Variants in CD6 observed in about 807,000 individuals in gnomAD.
CD6 encodes CD6 molecule, also known as T-cell differentiation antigen CD6.
In CD6, 53 loss-of-function variants were observed where a neutral mutation model predicts 75.3. That is an observed-to-expected ratio of 0.70 (90% CI 0.56 to 0.88). The LOEUF (loss-of-function observed/expected upper bound fraction) is 0.88. CD6 is among the 40% of genes least tolerant of loss of function. The pLI is 0.00. For synonymous variants in CD6, 359 were observed against 381.5 expected, an observed-to-expected ratio of 0.94 and a Z score of 0.69; for missense variants, 770 against 897.1, an observed-to-expected ratio of 0.86 and a Z score of 1.81.
intron 8 of CD6, chr11:61,015,321 C>T (rs762853703): frequency 1.1e-4 from 19 of 172,504 alleles, no homozygotes; most frequent in Non-Finnish European, 2.2e-4. Context: ...CTGTAGTCCC[C>T]GCATTTTGGG....
At chr11:61,004,656 T>C (rs747204610) in intron 1 of CD6, 1 of 152,302 alleles carries the variant, frequency 6.6e-6, no homozygotes, top group Non-Finnish European at 1.5e-5. Context: ...GAATGTGTAG[T>C]GGTCATGTCC....
At chr11:61,010,750 C>G (rs1859100419) in intron 5 of CD6, among the ~76,000 whole-genome samples, 1 of 152,196 alleles carries the variant, frequency 6.6e-6, no homozygotes, top group African/African-American at 2.4e-5. Context: ...CTTCATCTCC[C>G]TAGGCTGATT....
At chr11:60,989,116 C>T (rs2905509) in intron 1 of CD6, among the ~76,000 whole-genome samples, 90,310 of 152,084 alleles carry the variant, frequency 0.59, 29,785 homozygotes, top group East Asian at 0.89. Context: ...TTGTTGAGGG[C>T]GCCTGAAGAG....
chr11:60,996,590 G>A (rs947513403), intron 1 of CD6, among the ~76,000 whole-genome samples: 3 of 152,198 alleles, frequency 2.0e-5, no homozygotes, highest in African/African-American at 7.2e-5. Context: ...ATCACTGCTC[G>A]GGACAAAAGG....
At position 61,018,119 on chromosome 11, in the gene CD6, C is replaced by T. The variant is rs116031670; in HGVS notation, c.1837+106C>T. 1,954 of 1,416,750 alleles carry T rather than the reference C, an allele frequency of 1.4e-3. 25 individuals are homozygous for T. The African/African-American group carries it at 0.024, about 17-fold the overall frequency. The allele number at this position is 1,416,750 out of a possible 1,614,324, so 87.8% of individuals were successfully genotyped here. A position where few individuals can be genotyped will look rare whatever the true frequency, so the allele number is the denominator to read the frequency against. ...CTGAGGTCAGGATTCTACCCAGTTC[C>T]GCAGCCATTCGCTGTGTGCCCTTGG... On this transcript the variant is annotated intron_variant, in intron 11 of 12. Transcript: ENST00000313421.
chr11:61,018,503 G>A, intron 12 of CD6, 110 bp downstream of exon 12: 8 of 848,406 alleles, frequency 9.4e-6, no homozygotes, highest in Non-Finnish European at 1.5e-5. Flanking sequence ...AGAAAGGAAG[G>A]GTAAAAGAAG....
At chr11:60,974,689 T>C (rs1857303982) in intron 1 of CD6, among the ~76,000 whole-genome samples, 1 of 152,216 alleles carries the variant, frequency 6.6e-6, no homozygotes, top group South Asian at 2.1e-4. Flanking sequence ...CTCAGTTTCC[T>C]GATCAGCCAA....
chr11:60,987,235 G>A (rs946806788), intron 1 of CD6, among the ~76,000 whole-genome samples: 3 of 152,196 alleles, frequency 2.0e-5, no homozygotes, highest in Non-Finnish European at 4.4e-5. Context: ...CTGAGCTTCT[G>A]GTGGCTTGCT....
intron 1 of CD6, among the ~76,000 whole-genome samples, chr11:60,989,039 T>C (rs1857946611): frequency 6.6e-6 from 1 of 152,260 alleles, no homozygotes; most frequent in Non-Finnish European, 1.5e-5. Context: ...CACCAGCTTC[T>C]GTCCCACCTC....
chr11:61,015,911 G>C, intron 9 of CD6, 76 bp downstream of exon 9: 1 of 1,558,498 alleles, frequency 6.4e-7, no homozygotes, highest in Non-Finnish European at 8.7e-7. Context: ...CGTCAGGTCA[G>C]TAGTCCCACC....
rs149532547 is a variant in CD6, at chr11:61,007,018, A to C, written c.118+376A>C. On this transcript the variant is annotated intron_variant, in intron 2 of 12. Coordinates refer to ENST00000313421, the MANE Select transcript of CD6 (RefSeq NM_006725.5). The surrounding 1 kb of genome is among the most constrained non-coding windows in gnomAD (Gnocchi z 4.2). ...ACTGGGGGTACAATCCTGGGCTAAAAGGGGCAGGTGGTTCCCATAGAAGGG... is the reference window on the plus strand; with the variant it reads ...ACTGGGGGTACAATCCTGGGCTAAACGGGGCAGGTGGTTCCCATAGAAGGG... Among the ~76,000 whole-genome samples the C allele has an allele frequency of 4.6e-5, 7 of 152,214 alleles. No individual in the cohort carries two copies. The highest frequency in any genetic ancestry group is 1.4e-4 in the African/African-American group (6 of 41,542).
intron 1 of CD6, among the ~76,000 whole-genome samples, chr11:60,976,513 A>G (rs532648932): frequency 6.6e-6 from 1 of 152,252 alleles, no homozygotes; most frequent in Non-Finnish European, 1.5e-5. Context: ...ATATACTATG[A>G]GTGTTTGTTT....
intron 1 of CD6, among the ~76,000 whole-genome samples, chr11:60,972,266 C>T (rs917568410): frequency 6.6e-6 from 1 of 152,330 alleles, no homozygotes; most frequent in Admixed American, 6.5e-5. Context: ...AACCGTTCAC[C>T]TTCCAGAGAG....
At chr11:61,001,752 C>A (rs1858596252) in intron 1 of CD6, among the ~76,000 whole-genome samples, 1 of 152,092 alleles carries the variant, frequency 6.6e-6, no homozygotes, top group Non-Finnish European at 1.5e-5. Flanking sequence ...GACTGTGTCC[C>A]ACGACCAGCT....
In CD6 at chr11:60,995,717, A is replaced by G. The variant is rs563875177; in HGVS notation, c.50-10857A>G. On this transcript the variant is annotated intron_variant, in intron 1 of 12. Coordinates refer to ENST00000313421, the MANE Select transcript of CD6 (RefSeq NM_006725.5). The stretch of plus-strand genomic sequence containing the variant: ...GGGGGCAGTGCGAGGTGAGACTATT[A>G]AGTCTCATCTTTTCCCTGCTGTGAG... Among the ~76,000 whole-genome samples the G allele has an allele frequency of 2.6e-5, 4 of 152,150 alleles. No homozygotes were observed. The South Asian group carries it at 8.3e-4, about 32-fold the overall frequency.
chr11:60,971,865 C>T lies in CD6; in HGVS notation c.-1C>T. Reference sequence around the variant, plus strand: ...CGTAGCAGCCAGAGACAGCTCCAGACATGTGGCTCTTCTTCGGGATCACTG... The same window carrying T: ...CGTAGCAGCCAGAGACAGCTCCAGATATGTGGCTCTTCTTCGGGATCACTG... On this transcript the variant is annotated 5_prime_UTR_variant, in exon 1 of 13. Transcript: ENST00000313421. 1.9e-6 allele frequency: 3 copies of T among 1,613,890 alleles called. No homozygotes were observed. Among genetic ancestry groups the T allele is most frequent in the Non-Finnish European group, 2.5e-6 (3 of 1,179,924 alleles).
At chr11:60,981,785 G>C (rs1857568573) in intron 1 of CD6, among the ~76,000 whole-genome samples, 1 of 152,160 alleles carries the variant, frequency 6.6e-6, no homozygotes, top group Admixed American at 6.5e-5. Flanking sequence ...GAAAATGGCG[G>C]CTGAGAGAGG....
intron 1 of CD6, among the ~76,000 whole-genome samples, chr11:60,989,703 A>C (rs1007234317): frequency 2.0e-5 from 3 of 152,034 alleles, no homozygotes; most frequent in Non-Finnish European, 2.9e-5. Flanking sequence ...TTCACAGCAC[A>C]CCCTGAGGTG....
Position 61,019,232 on chromosome 11 carries a change from A to T in CD6, c.1943-22A>T, listed in dbSNP as rs781211813. Reference sequence around the variant, plus strand: ...AGGGCAATGACTGGGTCTCCCACTAATCTGGGCCTCTCTGCCCACAGGGTC... The same window carrying T: ...AGGGCAATGACTGGGTCTCCCACTATTCTGGGCCTCTCTGCCCACAGGGTC... On this transcript the variant is annotated intron_variant, in intron 12 of 12. Coordinates refer to ENST00000313421, the MANE Select transcript of CD6 (RefSeq NM_006725.5). 3.7e-6 allele frequency: 6 copies of T among 1,601,942 alleles called. No homozygotes were observed. In the South Asian group the frequency reaches 5.5e-5, roughly 15 times the overall value.
Sources: allele counts gnomAD v4.1 joint callset (sites outside exome capture counted in the v4.1 genomes callset), GRCh38; gene constraint gnomAD v4.1.1; non-coding constraint Gnocchi (gnomAD v3.1); transcripts MANE v1.5; gene names NCBI Gene and HGNC (gene_info 2026-07-23, HGNC 2026-07-21).